Variants in KLHL24 observed in about 807,000 individuals in gnomAD.
KLHL24 encodes kelch-like protein 24.
Under a neutral mutation model 53.4 loss-of-function variants are expected in KLHL24, and 29 were observed. That is an observed-to-expected ratio of 0.54 (90% CI 0.40 to 0.74). The LOEUF (loss-of-function observed/expected upper bound fraction) is 0.74. KLHL24 is among the 30% of genes least tolerant of loss of function. KLHL24 has a pLI of 0.00. For missense variants in KLHL24, 504 were observed against 744.0 expected (o/e 0.68, Z 3.75); for synonymous variants, 222 against 253.7 (o/e 0.88, Z 1.19).
Position 183,645,229 on chromosome 3 carries a change from T to C in KLHL24, c.-62+1687T>C, listed in dbSNP as rs536854670. On this transcript the variant is annotated intron_variant, in intron 2 of 7. Transcript: ENST00000242810. ...TGTTCCCTTTTTTAATTACTTGTGA[T>C]ATTACATACATTGAACTTTTTGAAG... 1.1e-3 allele frequency among the ~76,000 whole-genome samples: 175 copies of C among 152,380 alleles called. 5 individuals carry two copies. The South Asian group carries it at 0.032, about 28-fold the overall frequency.
chr3:183,640,758 C>G (rs558877861), intron 1 of KLHL24, among the ~76,000 whole-genome samples: 1 of 151,958 alleles, frequency 6.6e-6, no homozygotes, highest in Admixed American at 6.6e-5. Flanking sequence ...CGCCACCACA[C>G]CCGGCTAATT....
In KLHL24 at chr3:183,680,564, G is replaced by T. The variant is rs1294484751; in HGVS notation, c.*1278G>T. 9.9e-5 allele frequency: 15 copies of T among 152,194 alleles called. 1 individual carries two copies. The highest frequency in any genetic ancestry group is 9.8e-4 in the Admixed American group (15 of 15,280). The allele number at this position is 152,194 out of a possible 1,614,324, so 9.4% of individuals were successfully genotyped here. A position where few individuals can be genotyped will look rare whatever the true frequency, so the allele number is the denominator to read the frequency against. On this transcript the variant is annotated 3_prime_UTR_variant, in exon 8 of 8. Transcript: ENST00000242810. ...ATCTTTAAGGTAAGTCTTTCATTTG[G>T]TCCCCATTGTGTAAAATACTAATCA...
chr3:183,640,221 ATACCACG>A (rs1716161669), intron 1 of KLHL24, among the ~76,000 whole-genome samples: 1 of 152,246 alleles, frequency 6.6e-6, no homozygotes, highest in Non-Finnish European at 1.5e-5. Flanking sequence ...GCAGCTTGGT[ATACCACG>A]TGTGATGTCT....
chr3:183,680,753 A>C lies in KLHL24; in HGVS notation c.*1467A>C, dbSNP rs1442817689. ...AAGTGATTATTGTGATTCTGGGTGG[A>C]CGGATATAATTTACAACATTTAGGG... On this transcript the variant is annotated 3_prime_UTR_variant, in exon 8 of 8. Transcript: ENST00000242810. 1 of 152,166 alleles carries C rather than the reference A, an allele frequency of 6.6e-6. No homozygotes were observed. Among genetic ancestry groups the C allele is most frequent in the Non-Finnish European group, 1.5e-5 (1 of 68,040 alleles). 9.4% of individuals were successfully genotyped at this position (152,166 alleles called of 1,614,324 possible). A position where few individuals can be genotyped will look rare whatever the true frequency, so the allele number is the denominator to read the frequency against.
intron 2 of KLHL24, among the ~76,000 whole-genome samples, chr3:183,649,536 A>G (rs76151153): frequency 6.6e-6 from 1 of 151,570 alleles, no homozygotes. Context: ...AAAAAAAAAA[A>G]GGACTTGCTG....
chr3:183,647,673 T>C (rs1717492494), intron 2 of KLHL24, among the ~76,000 whole-genome samples: 1 of 151,980 alleles, frequency 6.6e-6, no homozygotes, highest in Admixed American at 6.6e-5. Flanking sequence ...ATGGCGCCAC[T>C]ACACTCCAGC....
In KLHL24 at chr3:183,681,309, A is replaced by C. The variant is rs1217597736; in HGVS notation, c.*2023A>C. The C allele has an allele frequency of 6.6e-6, 1 of 152,468 alleles. No individual in the cohort carries two copies. The highest frequency in any genetic ancestry group is 1.9e-4 in the East Asian group (1 of 5,180). 9.4% of individuals were successfully genotyped at this position (152,468 alleles called of 1,614,324 possible). ...GTATTTTGTAAATGCTGAGGATTCT[A>C]CAAATGATAGTTGTTATTTTCATGT... is the stretch of plus-strand genomic sequence containing the variant. On this transcript the variant is annotated 3_prime_UTR_variant, in exon 8 of 8. Transcript: ENST00000242810.
chr3:183,658,334 G>T (rs530589280), intron 3 of KLHL24, among the ~76,000 whole-genome samples: 1 of 151,942 alleles, frequency 6.6e-6, no homozygotes, highest in East Asian at 1.9e-4. Flanking sequence ...ACAGTATCTT[G>T]GAAACTGTTC....
intron 5 of KLHL24, among the ~76,000 whole-genome samples, chr3:183,665,997 C>T (rs573139034): frequency 1.3e-5 from 2 of 151,822 alleles, no homozygotes; most frequent in South Asian, 2.1e-4. Flanking sequence ...ATTCTCCTGC[C>T]TCAGACACCT....
intron 3 of KLHL24, among the ~76,000 whole-genome samples, chr3:183,661,338 C>T (rs1209715498): frequency 1.3e-5 from 2 of 152,142 alleles, no homozygotes; most frequent in Non-Finnish European, 2.9e-5. Flanking sequence ...TTATGCTATA[C>T]TATCATCTTT....
chr3:183,658,168 G>A lies in KLHL24; in HGVS notation c.921-5290G>A, dbSNP rs559593125. Among the ~76,000 whole-genome samples the A allele has an allele frequency of 9.3e-4, 139 of 148,912 alleles. 1 individual carries two copies. The highest frequency in any genetic ancestry group is 3.1e-3 in the African/African-American group (125 of 39,904). On this transcript the variant is annotated intron_variant, in intron 3 of 7. Coordinates refer to ENST00000242810, the MANE Select transcript of KLHL24 (RefSeq NM_017644.3). ...TCAGAGGTTGCAGTGAGCTGAGATC[G>A]CACCATTGCACTCTAGCCTGGATGA...
chr3:183,681,856 T>C lies in KLHL24; in HGVS notation c.*2570T>C, dbSNP rs1712708573. On this transcript the variant is annotated 3_prime_UTR_variant, in exon 8 of 8. Transcript: ENST00000242810. ...CTCTCATCACATAAAGATTTTTCTT[T>C]TGATAGGTGATGCTCATATGAACCT... The C allele has an allele frequency of 6.6e-6, 1 of 152,288 alleles. No individual in the cohort carries two copies. The highest frequency in any genetic ancestry group is 2.4e-5 in the African/African-American group (1 of 41,204). 9.4% of individuals were successfully genotyped at this position (152,288 alleles called of 1,614,324 possible).
chr3:183,658,164 G>A lies in KLHL24; in HGVS notation c.921-5294G>A, dbSNP rs909156473. Among the ~76,000 whole-genome samples, 19 of 150,478 alleles carry A rather than the reference G, an allele frequency of 1.3e-4. No individual in the cohort carries two copies. The East Asian group carries it at 3.1e-3, about 25-fold the overall frequency. On this transcript the variant is annotated intron_variant, in intron 3 of 7. Coordinates refer to ENST00000242810, the MANE Select transcript of KLHL24 (RefSeq NM_017644.3). ...GGACTCAGAGGTTGCAGTGAGCTGA[G>A]ATCGCACCATTGCACTCTAGCCTGG...
intron 3 of KLHL24, among the ~76,000 whole-genome samples, chr3:183,656,831 C>T (rs961951233): frequency 2.7e-5 from 4 of 149,224 alleles, no homozygotes; most frequent in African/African-American, 4.9e-5. Flanking sequence ...AGGCAAGAGG[C>T]GGGAGGATAG....
intron 2 of KLHL24, among the ~76,000 whole-genome samples, chr3:183,647,717 T>A (rs931035787): frequency 2.7e-5 from 4 of 148,178 alleles, no homozygotes; most frequent in Non-Finnish European, 3.0e-5. Context: ...AAACAAAACA[T>A]AACAGGCTGA....
At chr3:183,660,263 G>A (rs1719541694) in intron 3 of KLHL24, among the ~76,000 whole-genome samples, 1 of 151,688 alleles carries the variant, frequency 6.6e-6, no homozygotes, top group Non-Finnish European at 1.5e-5. Flanking sequence ...CTCCTGAGTA[G>A]CTGGGACTAT....
In KLHL24 at chr3:183,683,217, C is replaced by T. The variant is rs1712874894; in HGVS notation, c.*3931C>T. The T allele has an allele frequency of 6.5e-6, 1 of 152,956 alleles. No homozygotes were observed. Among genetic ancestry groups the T allele is most frequent in the Non-Finnish European group, 1.5e-5 (1 of 68,366 alleles). 9.5% of individuals were successfully genotyped at this position (152,956 alleles called of 1,614,324 possible). ...AAAGTGCTGGGATTACAGGCGTGAG[C>T]CACCACCCCCGGCCTGTATTTTCAG... On this transcript the variant is annotated 3_prime_UTR_variant, in exon 8 of 8. Coordinates refer to ENST00000242810, the MANE Select transcript of KLHL24 (RefSeq NM_017644.3).
At chr3:183,660,815 TG>T (rs1719636731) in intron 3 of KLHL24, among the ~76,000 whole-genome samples, 1 of 151,856 alleles carries the variant, frequency 6.6e-6, no homozygotes, top group Non-Finnish European at 1.5e-5. Flanking sequence ...ACCAGCACTT[TG>T]GGAGGCCGAG....
At chr3:183,645,136 T>A (rs1204205846) in intron 2 of KLHL24, among the ~76,000 whole-genome samples, 1 of 152,256 alleles carries the variant, frequency 6.6e-6, no homozygotes, top group Non-Finnish European at 1.5e-5. Flanking sequence ...TCTAGATTAA[T>A]AAGGCATTAA....
Sources: allele counts gnomAD v4.1 joint callset (sites outside exome capture counted in the v4.1 genomes callset), GRCh38; gene constraint gnomAD v4.1.1; transcripts MANE v1.5; gene names NCBI Gene and HGNC (gene_info 2026-07-23, HGNC 2026-07-21).